The following DNAH12 variants were observed in gnomAD, a reference collection of about 807,000 sequenced individuals.
The protein encoded by DNAH12 is axonemal beta dynein heavy chain 12.
DNAH12 carries 285 observed loss-of-function variants against 371.5 expected under a neutral mutation model. The observed-to-expected ratio is 0.77, with a 90% CI of 0.70 to 0.85. The LOEUF (loss-of-function observed/expected upper bound fraction) is 0.85. Ranked by LOEUF, DNAH12 falls within the 40% of genes least tolerant of loss-of-function variation. The pLI is 0.00. For synonymous variants in DNAH12, 1,200 were observed against 1,213.0 expected (o/e 0.99, Z 0.22); for missense variants, 3,611 against 3,689.4 (o/e 0.98, Z 0.55).
chr3:57,508,200 C>CAAAAAAAAAAAAAAAAAAAAA (rs11288020), intron 7 of DNAH12, among the ~76,000 whole-genome samples, 182 bp downstream of exon 7: 2 of 129,172 alleles, frequency 1.5e-5, no homozygotes, highest in Non-Finnish European at 1.6e-5. Flanking sequence ...AAAAAAAAAA[C>CAAAAAAAAAAAAAAAAAAAAA]AAAAAAAAAA....
rs532542652 is a variant in DNAH12 at position 57,481,413 on chromosome 3, A to G, written c.1650+1963T>C. 2.0e-5 allele frequency among the ~76,000 whole-genome samples: 3 copies of G among 152,278 alleles called. No homozygotes were observed. The South Asian group carries it at 6.2e-4, about 32-fold the overall frequency. On this transcript the variant is annotated intron_variant, in intron 13 of 73. Transcript: ENST00000495027. ...GAACTACAAACCACTGCTCAACAAA[A>G]TAAAAGAGGATACAAACAAATGGAA...
intron 60 of DNAH12, among the ~76,000 whole-genome samples, chr3:57,340,922 C>A (rs912999003): frequency 6.6e-6 from 1 of 152,058 alleles, no homozygotes. Context: ...AATTCAACAG[C>A]ACATCAAAAA....
At chr3:57,434,383 C>T (rs1051867518) in intron 30 of DNAH12, among the ~76,000 whole-genome samples, 3 of 152,276 alleles carry the variant, frequency 2.0e-5, no homozygotes, top group South Asian at 2.1e-4. Context: ...TGACCCACAA[C>T]GTTGAGGTGG....
chr3:57,324,466 A>G (rs2061884489), intron 62 of DNAH12, among the ~76,000 whole-genome samples: 1 of 152,092 alleles, frequency 6.6e-6, no homozygotes, highest in Admixed American at 6.6e-5. Flanking sequence ...CTGTGAAGGT[A>G]TTTTTGGATG....
chr3:57,477,197 G>A, intron 13 of DNAH12, among the ~76,000 whole-genome samples: 1 of 152,172 alleles, frequency 6.6e-6, no homozygotes, highest in East Asian at 1.9e-4. Flanking sequence ...GTAACAGACG[G>A]CACCTGGAAA....
intron 29 of DNAH12, among the ~76,000 whole-genome samples, chr3:57,439,519 C>T (rs2065240046): frequency 6.6e-6 from 1 of 152,144 alleles, no homozygotes; most frequent in Non-Finnish European, 1.5e-5. Flanking sequence ...GGACCCCTAC[C>T]TTTCACCATA....
chr3:57,508,585 C>A (rs374371846), intron 6 of DNAH12, 45 bp from the exon 7 acceptor site: 1 of 1,564,362 alleles, frequency 6.4e-7, no homozygotes, highest in East Asian at 2.3e-5. Flanking sequence ...AAATAATACA[C>A]CCTAAACTTT....
intron 58 of DNAH12, among the ~76,000 whole-genome samples, chr3:57,358,998 AG>A (rs2153326568): frequency 6.6e-6 from 1 of 152,018 alleles, no homozygotes; most frequent in South Asian, 2.1e-4. Flanking sequence ...TGGTCAGGCT[AG>A]TCTCGAACGC....
intron 43 of DNAH12, among the ~76,000 whole-genome samples, chr3:57,401,173 A>G (rs1379724461): frequency 6.6e-6 from 1 of 152,154 alleles, no homozygotes; most frequent in Non-Finnish European, 1.5e-5. Context: ...GAGAAAATTA[A>G]AACAAAAACA....
Position 57,428,791 on chromosome 3 carries a change from A to C in DNAH12, c.5095T>G (p.Tyr1699Asp), listed in dbSNP as rs1381502966. The C allele has an allele frequency of 6.5e-7, 1 of 1,544,146 alleles. No homozygotes were observed. Among genetic ancestry groups the C allele is most frequent in the Non-Finnish European group, 8.7e-7 (1 of 1,145,290 alleles). ...CATCCTAACTGTGAAGGCTCCAAATAAATCATACCACAACGACTTACAGTG... is the reference window on the plus strand; with the variant it reads ...CATCCTAACTGTGAAGGCTCCAAATCAATCATACCACAACGACTTACAGTG... ...PATVSRCGMI[Y>D]LEPSQLGWEP... The change falls in exon 34 of 74, where the codon TAT becomes GAT. Residue 1699 changes from tyrosine to aspartate, a missense_variant. Tyr to Asp is a radical substitution (Grantham distance 160). Transcript: ENST00000495027.
rs1363080087 is a variant in DNAH12, at chr3:57,356,488, T to TAAATAAAG, written c.9533+687_9533+688insCTTTATTT. On this transcript the variant is annotated intron_variant, in intron 59 of 73. Transcript: ENST00000495027. ...ATAAATAAATAAATAAATAAATAAATAAAATAAAGAAAAAAGAAATGTGGG... is the reference window on the plus strand; with the variant it reads ...ATAAATAAATAAATAAATAAATAAATAAATAAAGAAAATAAAGAAAAAAGAAATGTGGG... Among the ~76,000 whole-genome samples, 415 of 141,660 alleles carry TAAATAAAG rather than the reference T, an allele frequency of 2.9e-3. 1 individual carries two copies. The highest frequency in any genetic ancestry group is 8.7e-3 in the African/African-American group (336 of 38,620). 92.9% of individuals were successfully genotyped at this position (141,660 alleles called of 152,430 possible).
At chr3:57,522,413 T>G (rs1229345607) in intron 4 of DNAH12, among the ~76,000 whole-genome samples, 1 of 152,150 alleles carries the variant, frequency 6.6e-6, no homozygotes, top group African/African-American at 2.4e-5. Context: ...ACGCAAATAT[T>G]AAATACATTT....
rs543768370 is a variant in DNAH12 at position 57,445,061 on chromosome 3, T to C, written c.4425+113A>G. ...AAAAAACCATCATTTCAACCTCTTA[T>C]GAAAAGACAAAGCTCAACCCTCTCA... On this transcript the variant is annotated intron_variant, in intron 28 of 73. Transcript: ENST00000495027. 2.3e-4 allele frequency: 294 copies of C among 1,285,160 alleles called. 8 individuals are homozygous for C. The South Asian group carries it at 4.1e-3, about 18-fold the overall frequency. 79.6% of individuals were successfully genotyped at this position (1,285,160 alleles called of 1,614,324 possible).
intron 8 of DNAH12, among the ~76,000 whole-genome samples, chr3:57,505,815 C>G (rs1402908495): frequency 6.6e-6 from 1 of 152,082 alleles, no homozygotes; most frequent in Non-Finnish European, 1.5e-5. Context: ...TAGTTCACAG[C>G]AGGCTCGAGC....
intron 62 of DNAH12, among the ~76,000 whole-genome samples, chr3:57,333,532 T>TTGTCA (rs2062156387): frequency 6.6e-6 from 1 of 151,996 alleles, no homozygotes; most frequent in African/African-American, 2.4e-5. Flanking sequence ...GGTTTCACCA[T>TTGTCA]CTTGGCCAGG....
chr3:57,504,214 A>G lies in DNAH12; in HGVS notation c.898-10T>C, dbSNP rs765404461. The G allele has an allele frequency of 6.3e-7, 1 of 1,599,018 alleles. No individual in the cohort carries two copies. Among genetic ancestry groups the G allele is most frequent in the Non-Finnish European group, 8.5e-7 (1 of 1,171,002 alleles). Reference sequence around the variant, plus strand: ...TTAATAGATCCTTTAGCTGCGTGATATAAATCACTGTTACTTTAGAGAGTA... The same window carrying G: ...TTAATAGATCCTTTAGCTGCGTGATGTAAATCACTGTTACTTTAGAGAGTA... On this transcript the variant is annotated splice_polypyrimidine_tract_variant and intron_variant, in intron 8 of 73. Transcript: ENST00000495027.
intron 70 of DNAH12, among the ~76,000 whole-genome samples, chr3:57,298,225 A>T (rs1350469951): frequency 6.6e-6 from 1 of 152,210 alleles, no homozygotes; most frequent in African/African-American, 2.4e-5. Context: ...ACACCTGGCC[A>T]GTCATACTTC....
intron 17 of DNAH12, among the ~76,000 whole-genome samples, chr3:57,466,356 G>T (rs939471671): frequency 2.0e-5 from 3 of 152,138 alleles, no homozygotes; most frequent in Non-Finnish European, 4.4e-5. Context: ...AGACTTTTCA[G>T]ATGTCTCTTT....
intron 2 of DNAH12, chr3:57,530,402 T>C: frequency 1.7e-6 from 1 of 592,274 alleles, no homozygotes; most frequent in South Asian, 2.3e-5. Flanking sequence ...CCCAGGCCTC[T>C]AGCACATAGC....
Sources: allele counts gnomAD v4.1 joint callset (sites outside exome capture counted in the v4.1 genomes callset), GRCh38; gene constraint gnomAD v4.1.1; transcripts MANE v1.5; gene names NCBI Gene and HGNC (gene_info 2026-07-23, HGNC 2026-07-21).